IGF1R: variants seen among roughly 807,000 people sequenced by gnomAD.
IGF1R encodes the protein insulin like growth factor 1 receptor.
In IGF1R, 44 loss-of-function variants were observed where a neutral mutation model predicts 144.6. The observed-to-expected ratio is 0.30, with a 90% CI of 0.24 to 0.39. The LOEUF (loss-of-function observed/expected upper bound fraction) is 0.39. Ranked by LOEUF, IGF1R falls within the 10% of genes least tolerant of loss-of-function variation. The pLI, the probability that IGF1R is intolerant of heterozygous loss-of-function variation, is 1.00. For missense variants in IGF1R, 1,355 were observed against 1,833.7 expected, an observed-to-expected ratio of 0.74 and a Z score of 4.77; for synonymous variants, 795 against 722.8, an observed-to-expected ratio of 1.10 and a Z score of -1.60.
chr15:98,711,486 G>C (rs748830714), intron 2 of IGF1R, among the ~76,000 whole-genome samples: 1 of 152,080 alleles, frequency 6.6e-6, no homozygotes, highest in Non-Finnish European at 1.5e-5. Flanking sequence ...CCCTCTGTGG[G>C]TTCTCTGCAC....
intron 2 of IGF1R, among the ~76,000 whole-genome samples, chr15:98,741,450 T>C (rs2054742707): frequency 6.6e-6 from 1 of 152,094 alleles, no homozygotes; most frequent in Admixed American, 6.6e-5. Flanking sequence ...CAGCAGGTAG[T>C]GGGAGGCTGT....
intron 1 of IGF1R, among the ~76,000 whole-genome samples, chr15:98,690,220 G>C (rs192618644): frequency 2.0e-4 from 30 of 152,290 alleles, no homozygotes; most frequent in Admixed American, 9.2e-4. Flanking sequence ...GTGTGCACCT[G>C]TAGTCCCAGC....
chr15:98,772,442 A>G (rs1158844675), intron 2 of IGF1R, among the ~76,000 whole-genome samples: 7 of 150,266 alleles, frequency 4.7e-5, no homozygotes, highest in South Asian at 2.1e-4. Flanking sequence ...AAAAATAAAC[A>G]TGAAGGAAGA....
At chr15:98,649,771 G>C in intron 1 of IGF1R, 96 bp downstream of exon 1, 1 of 939,600 alleles carries the variant, frequency 1.1e-6, no homozygotes, top group Non-Finnish European at 1.7e-6. Flanking sequence ...CGTCGCAGCT[G>C]TCGGGCCCCC....
chr15:98,894,329 C>T (rs1183497263), intron 3 of IGF1R, among the ~76,000 whole-genome samples: 3 of 152,214 alleles, frequency 2.0e-5, no homozygotes, highest in East Asian at 3.8e-4. Flanking sequence ...ATATTTATCA[C>T]AGAGAAATGA....
intron 2 of IGF1R, among the ~76,000 whole-genome samples, chr15:98,860,309 C>T (rs1209079947): frequency 6.6e-6 from 1 of 152,344 alleles, no homozygotes; most frequent in East Asian, 1.9e-4. Context: ...TTGTACAGAC[C>T]ATCCTAGTAG....
At chr15:98,905,163 A>C (rs780108860) in intron 5 of IGF1R, among the ~76,000 whole-genome samples, 140 of 152,288 alleles carry the variant, frequency 9.2e-4, no homozygotes, top group South Asian at 2.9e-3. Context: ...TGTCTTCACC[A>C]CTCAAATATC....
At chr15:98,769,049 ATTTT>A (rs1567119594) in intron 2 of IGF1R, among the ~76,000 whole-genome samples, 1 of 152,176 alleles carries the variant, frequency 6.6e-6, no homozygotes, top group Admixed American at 6.5e-5. Context: ...ATGCAAAAAA[ATTTT>A]ATTTGACCTG....
At chr15:98,870,713 G>T (rs1240991257) in intron 2 of IGF1R, among the ~76,000 whole-genome samples, 1 of 152,196 alleles carries the variant, frequency 6.6e-6, no homozygotes, top group African/African-American at 2.4e-5. Flanking sequence ...AAGCTCAAGA[G>T]TGCCCATACC....
At chr15:98,666,881 T>A (rs903496854) in intron 1 of IGF1R, among the ~76,000 whole-genome samples, 1 of 152,236 alleles carries the variant, frequency 6.6e-6, no homozygotes, top group Non-Finnish European at 1.5e-5. Context: ...TAACAAGGGT[T>A]AAAATGTTAA....
rs1292613554 is a variant in IGF1R, at chr15:98,958,863, T to TATCA, written c.*1422_*1425dup. On this transcript the variant is annotated 3_prime_UTR_variant, in exon 21 of 21. Transcript: ENST00000650285. ...CTCTTTTCCCGGTAATGGATACTTC[T>TATCA]ATCACATAATTTGCCATGAACTGTT... is the stretch of plus-strand genomic sequence containing the variant. 1 of 233,562 alleles carries TATCA rather than the reference T, an allele frequency of 4.3e-6. No individual in the cohort carries two copies. The highest frequency in any genetic ancestry group is 8.5e-6 in the Non-Finnish European group (1 of 118,032). The allele number at this position is 233,562 out of a possible 1,614,324, so 14.5% of individuals were successfully genotyped here. A position where few individuals can be genotyped will look rare whatever the true frequency, so the allele number is the denominator to read the frequency against.
At chr15:98,739,858 C>T (rs2054698009) in intron 2 of IGF1R, among the ~76,000 whole-genome samples, 1 of 152,154 alleles carries the variant, frequency 6.6e-6, no homozygotes, top group African/African-American at 2.4e-5. Flanking sequence ...TCCGAAGGGG[C>T]TGGGATTACA....
At chr15:98,814,436 A>C (rs2056653901) in intron 2 of IGF1R, among the ~76,000 whole-genome samples, 3 of 152,174 alleles carry the variant, frequency 2.0e-5, no homozygotes, top group Admixed American at 2.0e-4. Flanking sequence ...CTGCAACCTC[A>C]AACTCCTGGG....
intron 1 of IGF1R, among the ~76,000 whole-genome samples, chr15:98,677,027 C>T (rs1227315421): frequency 6.6e-6 from 1 of 152,092 alleles, no homozygotes; most frequent in African/African-American, 2.4e-5. Flanking sequence ...CCTTCAGCTC[C>T]TAGGCTCAAG....
intron 1 of IGF1R, among the ~76,000 whole-genome samples, chr15:98,675,826 C>CTTTTTTTTTTTTTTTTTTTTTT: frequency 2.2e-5 from 1 of 46,150 alleles, no homozygotes; most frequent in African/African-American, 4.8e-5. Context: ...TTCTTTCTTT[C>CTTTTTTTTTTTTTTTTTTTTTT]TTTTTTTTTT....
intron 1 of IGF1R, among the ~76,000 whole-genome samples, chr15:98,659,199 T>C (rs2052547430): frequency 6.6e-6 from 1 of 152,234 alleles, no homozygotes; most frequent in South Asian, 2.1e-4. Context: ...TGCTAAGGTG[T>C]TTATTAACAA....
intron 1 of IGF1R, among the ~76,000 whole-genome samples, chr15:98,697,943 C>T (rs913230199): frequency 4.0e-5 from 6 of 151,680 alleles, no homozygotes; most frequent in African/African-American, 1.5e-4. Context: ...CCATGTTGGC[C>T]AGGCCGGTCT....
chr15:98,681,611 T>C (rs933308017), intron 1 of IGF1R, among the ~76,000 whole-genome samples: 1 of 151,932 alleles, frequency 6.6e-6, no homozygotes, highest in South Asian at 2.1e-4. Flanking sequence ...CTGCCTGGGG[T>C]GGTTGGTTGC....
intron 2 of IGF1R, among the ~76,000 whole-genome samples, chr15:98,813,292 C>G (rs944272475): frequency 3.3e-5 from 5 of 152,020 alleles, no homozygotes; most frequent in African/African-American, 1.2e-4. Flanking sequence ...GCAAAATAAC[C>G]AATCCAAAGG....
Sources: allele counts gnomAD v4.1 joint callset (sites outside exome capture counted in the v4.1 genomes callset), GRCh38; gene constraint gnomAD v4.1.1; transcripts MANE v1.5; gene names NCBI Gene and HGNC (gene_info 2026-07-23, HGNC 2026-07-21).